IL10RB: variants seen among roughly 807,000 people sequenced by gnomAD.
The protein encoded by IL10RB is interleukin-10 receptor subunit beta.
In IL10RB, 30 loss-of-function variants were observed where a neutral mutation model predicts 38.7. The ratio of observed to expected loss-of-function variants is 0.78; its 90% confidence interval spans 0.58 to 1.05. The LOEUF (loss-of-function observed/expected upper bound fraction) is 1.05, where lower values mean the gene tolerates loss of function less well. Ranked by LOEUF, IL10RB falls within the 50% of genes least tolerant of loss-of-function variation. The probability of loss-of-function intolerance (pLI) is 0.00; values close to 1 mark genes in which losing one functional copy is unlikely to be tolerated. For synonymous variants in IL10RB, 142 were observed against 145.9 expected, an observed-to-expected ratio of 0.97 and a Z score of 0.19; for missense variants, 328 against 397.1, an observed-to-expected ratio of 0.83 and a Z score of 1.48.
chr21:33,305,739 G>T (rs1460158931), intron 1 of IL10RB, among the ~76,000 whole-genome samples: 3 of 152,162 alleles, frequency 2.0e-5, no homozygotes, highest in Non-Finnish European at 4.4e-5. Flanking sequence ...ACACCTCATT[G>T]TCCCCCACCC....
chr21:33,291,648 A>T (rs562999545), intron 6 of IL10RB, among the ~76,000 whole-genome samples: 25 of 152,290 alleles, frequency 1.6e-4, no homozygotes, highest in African/African-American at 5.8e-4. Flanking sequence ...AAACCTTGGG[A>T]ATCCTGACAG....
At chr21:33,269,812 C>T (rs922049153) in intron 2 of IL10RB, among the ~76,000 whole-genome samples, 6 of 152,146 alleles carry the variant, frequency 3.9e-5, no homozygotes, top group African/African-American at 1.2e-4. Flanking sequence ...GCTCCCACCA[C>T]CATGCCCAGC....
chr21:33,290,389 T>G (rs1447920583), intron 6 of IL10RB, among the ~76,000 whole-genome samples: 1 of 152,172 alleles, frequency 6.6e-6, no homozygotes, highest in African/African-American at 2.4e-5. Flanking sequence ...CACTTAAATA[T>G]AATCATTTAA....
At chr21:33,294,539 A>G (rs1443132644) in intron 6 of IL10RB, among the ~76,000 whole-genome samples, 1 of 151,970 alleles carries the variant, frequency 6.6e-6, no homozygotes, top group Non-Finnish European at 1.5e-5. Flanking sequence ...ACTGGATCCA[A>G]AGTTTAGAGA....
intron 2 of IL10RB, among the ~76,000 whole-genome samples, chr21:33,275,269 C>T (rs570144485): frequency 6.6e-6 from 1 of 151,622 alleles, no homozygotes; most frequent in Admixed American, 6.6e-5. Flanking sequence ...GATTCTCCTG[C>T]CTCAACCTCC....
At chr21:33,281,339 A>G (rs1463712192) in intron 4 of IL10RB, among the ~76,000 whole-genome samples, 1 of 152,258 alleles carries the variant, frequency 6.6e-6, no homozygotes, top group Non-Finnish European at 1.5e-5. Context: ...ACAGACCTCA[A>G]TTAAGGATCT....
At chr21:33,271,061 G>T (rs990298620) in intron 2 of IL10RB, among the ~76,000 whole-genome samples, 1 of 152,214 alleles carries the variant, frequency 6.6e-6, no homozygotes, top group African/African-American at 2.4e-5. Flanking sequence ...ACTTCATGAA[G>T]TGACTTCATG....
chr21:33,307,244 A>G (rs1479086791), intron 1 of IL10RB, among the ~76,000 whole-genome samples: 1 of 152,108 alleles, frequency 6.6e-6, no homozygotes, highest in East Asian at 1.9e-4. Context: ...TACTTTATTT[A>G]CTGTCCTTAG....
intron 1 of IL10RB, among the ~76,000 whole-genome samples, chr21:33,307,426 A>G (rs2834179): frequency 0.68 from 103,937 of 151,994 alleles, 35,847 homozygotes; most frequent in South Asian, 0.8. Flanking sequence ...TAATCTCTGG[A>G]TCTGAGGGTA....
chr21:33,268,190 C>G (rs1490767861), intron 1 of IL10RB: 1 of 1,464,516 alleles, frequency 6.8e-7, no homozygotes, highest in Admixed American at 2.3e-5. Context: ...CCATTTTACT[C>G]CTGCCCCTCC....
At chr21:33,273,964 C>T (rs1568904357) in intron 2 of IL10RB, among the ~76,000 whole-genome samples, 1 of 152,126 alleles carries the variant, frequency 6.6e-6, no homozygotes. Context: ...AAGTCTTGAA[C>T]CCCTTAAAGT....
intron 1 of IL10RB, 38 bp downstream of exon 1, chr21:33,266,552 G>C: frequency 6.5e-7 from 1 of 1,535,284 alleles, no homozygotes; most frequent in African/African-American, 1.4e-5. Context: ...CTTGGGAACC[G>C]GGAGGCCCCG....
chr21:33,306,228 C>G (rs16990486), intron 1 of IL10RB, among the ~76,000 whole-genome samples: 2,959 of 152,190 alleles, frequency 0.019, 55 homozygotes, highest in South Asian at 0.032. Flanking sequence ...CTACAGCACC[C>G]AGGGAAGCAA....
intron 3 of IL10RB, 101 bp downstream of exon 3, chr21:33,276,854 A>G (rs1989181088): frequency 3.3e-6 from 3 of 914,734 alleles, no homozygotes; most frequent in Non-Finnish European, 5.4e-6. Context: ...AGGGCCCACA[A>G]ATGGATGGCC....
chr21:33,285,884 G>A (rs941018200), intron 5 of IL10RB, among the ~76,000 whole-genome samples: 2 of 152,176 alleles, frequency 1.3e-5, no homozygotes, highest in Non-Finnish European at 2.9e-5. Flanking sequence ...GCTCACTGCC[G>A]TATGACCCTG....
intron 3 of IL10RB, among the ~76,000 whole-genome samples, chr21:33,277,840 T>A (rs545151190): frequency 1.4e-4 from 21 of 151,078 alleles, no homozygotes; most frequent in African/African-American, 4.4e-4. Context: ...CAGCTAAATT[T>A]TTTTGTATTT....
At chr21:33,290,157 G>A (rs926144959) in intron 6 of IL10RB, among the ~76,000 whole-genome samples, 4 of 151,556 alleles carry the variant, frequency 2.6e-5, no homozygotes, top group African/African-American at 4.8e-5. Flanking sequence ...CCGGCATGCT[G>A]GCGCATGCCT....
intron 1 of IL10RB, among the ~76,000 whole-genome samples, chr21:33,305,354 C>CCCATCT (rs1274099808): frequency 1.3e-5 from 2 of 152,136 alleles, no homozygotes; most frequent in Non-Finnish European, 2.9e-5. Flanking sequence ...AAGTGATCCT[C>CCCATCT]CCATCTCGGC....
intron 3 of IL10RB, 106 bp from the exon 4 acceptor site, chr21:33,279,646 G>T: frequency 1.1e-6 from 1 of 919,860 alleles, no homozygotes; most frequent in Non-Finnish European, 1.8e-6. Context: ...GTATATCAAA[G>T]CAGTGTACTT....
Sources: gnomAD v4.1 joint callset for allele counts (sites outside exome capture counted in the v4.1 genomes callset) on GRCh38, gnomAD v4.1.1 for gene constraint, MANE v1.5 for transcripts, NCBI Gene and HGNC (gene_info 2026-07-23, HGNC 2026-07-21) for gene names.